SMU1: variants seen among roughly 807,000 people sequenced by gnomAD.
SMU1 encodes the protein SMU1 DNA replication regulator and spliceosomal factor.
Under a neutral mutation model 62.0 loss-of-function variants are expected in SMU1, and 2 were observed. That is an observed-to-expected ratio of 0.03 (90% CI 0.01 to 0.10). SMU1 has a LOEUF of 0.10. Among genes scored for constraint, SMU1 ranks in the 10% least tolerant of loss-of-function variants. The pLI, the probability that SMU1 is intolerant of heterozygous loss-of-function variation, is 1.00. For synonymous variants in SMU1, 188 were observed against 212.4 expected, an observed-to-expected ratio of 0.89 and a Z score of 1.00; for missense variants, 227 against 622.1, an observed-to-expected ratio of 0.36 and a Z score of 6.76.
Position 33,056,134 on chromosome 9 carries a change from T to C in SMU1, c.1101A>G (p.Ala367=), listed in dbSNP as rs761026037. The change falls in exon 9 of 12, where the codon GCA becomes GCG. Residue 367 remains alanine, a synonymous_variant. Coordinates refer to ENST00000397149, the MANE Select transcript of SMU1 (RefSeq NM_018225.3). The part of the protein sequence containing the change: ...FTQDGHYIIS[A]SSDGTVKIWN... ...TAACCTTTACAGTGCCATCAGAGGA[T>C]GCACTAATAATGTAATGTCCATCTT... 8.1e-6 allele frequency: 13 copies of C among 1,611,502 alleles called. No individual in the cohort carries two copies. Among genetic ancestry groups the C allele is most frequent in the Admixed American group, 5.0e-5 (3 of 59,846 alleles).
chr9:33,050,345 T>C (rs10971368), intron 10 of SMU1, among the ~76,000 whole-genome samples: 18,867 of 152,084 alleles, frequency 0.12, 1,330 homozygotes, highest in East Asian at 0.3. Flanking sequence ...CAACTAAACA[T>C]ACTTTACCAT....
rs1228249771 is a variant in SMU1 at position 33,042,472 on chromosome 9, C to T, written c.*4821G>A. ...GTGATGCTTCTCCTGCCCATTCATACTTGTAGGGAATAGGAGTAGAGGCCA... is the reference window on the plus strand; with the variant it reads ...GTGATGCTTCTCCTGCCCATTCATATTTGTAGGGAATAGGAGTAGAGGCCA... On this transcript the variant is annotated 3_prime_UTR_variant, in exon 12 of 12. Transcript: ENST00000397149. 1 of 152,452 alleles carries T rather than the reference C, an allele frequency of 6.6e-6. No individual in the cohort carries two copies. Among genetic ancestry groups the T allele is most frequent in the Non-Finnish European group, 1.5e-5 (1 of 68,058 alleles). 9.4% of individuals were successfully genotyped at this position (152,452 alleles called of 1,614,324 possible).
Position 33,042,296 on chromosome 9 carries a change from C to T in SMU1, c.*4997G>A, listed in dbSNP as rs1045408717. On this transcript the variant is annotated 3_prime_UTR_variant, in exon 12 of 12. Transcript: ENST00000397149. ...ACAGCCTCTGTTGAACCCTTCATTACTATGTAAGCAGCCATATTTAATTCT... is the reference window on the plus strand; with the variant it reads ...ACAGCCTCTGTTGAACCCTTCATTATTATGTAAGCAGCCATATTTAATTCT... The T allele has an allele frequency of 2.5e-4, 38 of 152,760 alleles. No homozygotes were observed. The highest frequency in any genetic ancestry group is 8.9e-4 in the African/African-American group (37 of 41,550). The allele number at this position is 152,760 out of a possible 1,614,324, so 9.5% of individuals were successfully genotyped here. A position where few individuals can be genotyped will look rare whatever the true frequency, so the allele number is the denominator to read the frequency against.
intron 4 of SMU1, among the ~76,000 whole-genome samples, chr9:33,063,853 T>C (rs10971377): frequency 0.09 from 13,635 of 151,914 alleles, 804 homozygotes; most frequent in East Asian, 0.3. Flanking sequence ...GCCAAAAATG[T>C]TGGGGACCAC....
intron 4 of SMU1, among the ~76,000 whole-genome samples, chr9:33,066,032 C>A (rs1028039551): frequency 6.6e-6 from 1 of 152,212 alleles, no homozygotes; most frequent in Non-Finnish European, 1.5e-5. Context: ...TCTGGAAAAG[C>A]TGACCAGCCC....
intron 5 of SMU1, 146 bp from the exon 6 acceptor site, chr9:33,060,730 T>A (rs1309893288): frequency 3.1e-6 from 3 of 969,774 alleles, no homozygotes; most frequent in Non-Finnish European, 4.5e-6. Flanking sequence ...TTTCTGTACC[T>A]GGACGCAGGG....
At chr9:33,048,392 T>C (rs1839208982) in intron 10 of SMU1, 134 bp from the exon 11 acceptor site, 1 of 1,072,992 alleles carries the variant, frequency 9.3e-7, no homozygotes. Flanking sequence ...AGATCTCCAG[T>C]CCTGTTCATC....
chr9:33,065,208 C>G (rs996119004), intron 4 of SMU1, among the ~76,000 whole-genome samples: 2 of 152,210 alleles, frequency 1.3e-5, no homozygotes, highest in African/African-American at 4.8e-5. Context: ...GTATGTCCCA[C>G]AGGAACTTCA....
intron 3 of SMU1, among the ~76,000 whole-genome samples, chr9:33,069,695 G>A (rs372623687): frequency 2.6e-5 from 4 of 152,168 alleles, no homozygotes; most frequent in East Asian, 3.8e-4. Flanking sequence ...TCAGCTACTC[G>A]GGAGGCTGAG....
chr9:33,053,147 C>G lies in SMU1; in HGVS notation c.1266G>C (p.Val422=). The change falls in exon 10 of 12, where the codon GTG becomes GTC. Residue 422 remains valine, a synonymous_variant. Coordinates refer to ENST00000397149, the MANE Select transcript of SMU1 (RefSeq NM_018225.3). Reference sequence around the variant, plus strand: ...CCTGCCCCTGCATGTTCATGATGACCACCGTGTTTGATCTGTTGCACACCA... The same window carrying G: ...CCTGCCCCTGCATGTTCATGATGACGACCGTGTTTGATCTGTTGCACACCA... ...HFVVCNRSNT[V]VIMNMQGQIV... The G allele has an allele frequency of 5.0e-6, 8 of 1,612,186 alleles. No individual in the cohort carries two copies. Among genetic ancestry groups the G allele is most frequent in the Non-Finnish European group, 6.8e-6 (8 of 1,179,998 alleles).
intron 9 of SMU1, among the ~76,000 whole-genome samples, chr9:33,055,111 T>TC (rs759680996): frequency 2.6e-5 from 4 of 152,188 alleles, no homozygotes; most frequent in Non-Finnish European, 5.9e-5. Flanking sequence ...GGTTTCCAGT[T>TC]CGATTTCCAA....
At chr9:33,066,372 T>G (rs1243750453) in intron 4 of SMU1, among the ~76,000 whole-genome samples, 1 of 151,964 alleles carries the variant, frequency 6.6e-6, no homozygotes, top group African/African-American at 2.4e-5. Context: ...TCTCAGGAAG[T>G]TACTGGACTC....
In SMU1 at chr9:33,042,471, A is replaced by T. The variant is rs1839136785; in HGVS notation, c.*4822T>A. The T allele has an allele frequency of 6.6e-6, 1 of 152,448 alleles. No homozygotes were observed. Among genetic ancestry groups the T allele is most frequent in the Non-Finnish European group, 1.5e-5 (1 of 68,038 alleles). 9.4% of individuals were successfully genotyped at this position (152,448 alleles called of 1,614,324 possible). A position where few individuals can be genotyped will look rare whatever the true frequency, so the allele number is the denominator to read the frequency against. On this transcript the variant is annotated 3_prime_UTR_variant, in exon 12 of 12. Coordinates refer to ENST00000397149, the MANE Select transcript of SMU1 (RefSeq NM_018225.3). ...TGTGATGCTTCTCCTGCCCATTCATACTTGTAGGGAATAGGAGTAGAGGCC... is the reference window on the plus strand; with the variant it reads ...TGTGATGCTTCTCCTGCCCATTCATTCTTGTAGGGAATAGGAGTAGAGGCC...
At chr9:33,072,108 CG>C (rs140860846) in intron 2 of SMU1, among the ~76,000 whole-genome samples, 5,422 of 151,990 alleles carry the variant, frequency 0.036, 288 homozygotes, top group African/African-American at 0.12. Context: ...CCAAGATGGG[CG>C]GATCACTTGA....
chr9:33,066,229 G>C (rs1318540678), intron 4 of SMU1, among the ~76,000 whole-genome samples: 2 of 151,528 alleles, frequency 1.3e-5, no homozygotes, highest in African/African-American at 4.8e-5. Context: ...GGAAAACTCA[G>C]AGAAAAAGAA....
intron 9 of SMU1, among the ~76,000 whole-genome samples, chr9:33,053,752 T>C (rs990646490): frequency 2.6e-5 from 4 of 152,392 alleles, no homozygotes; most frequent in East Asian, 1.9e-4. Flanking sequence ...TTGTGATTGG[T>C]TGAATCCATG....
intron 4 of SMU1, 60 bp downstream of exon 4, chr9:33,068,764 C>G (rs1236456570): frequency 6.3e-7 from 1 of 1,582,498 alleles, no homozygotes; most frequent in Non-Finnish European, 8.6e-7. Flanking sequence ...CTCAGCCTCC[C>G]AAAGTGCAAG....
At position 33,047,177 on chromosome 9, in the gene SMU1, CTAAT is replaced by C. The variant is rs1489282226; in HGVS notation, c.*112_*115del. On this transcript the variant is annotated 3_prime_UTR_variant, in exon 12 of 12. Transcript: ENST00000397149. ...GAATTTTCACAAAATTATTCTGTGA[CTAAT>C]TCAGACAATCTATTTGCTTAGAAAA... is the stretch of plus-strand genomic sequence containing the variant. The C allele has an allele frequency of 3.2e-6, 2 of 615,588 alleles. No individual in the cohort carries two copies. Among genetic ancestry groups the C allele is most frequent in the Middle Eastern group, 4.5e-4 (1 of 2,238 alleles). 38.1% of individuals were successfully genotyped at this position (615,588 alleles called of 1,614,324 possible).
intron 5 of SMU1, 38 bp downstream of exon 5, chr9:33,062,010 CA>C (rs1839367388): frequency 4.4e-6 from 7 of 1,606,344 alleles, no homozygotes. Context: ...AAGTCCTCAA[CA>C]AATGATTACT....
Sources: allele counts gnomAD v4.1 joint callset (sites outside exome capture counted in the v4.1 genomes callset), GRCh38; gene constraint gnomAD v4.1.1; transcripts MANE v1.5; gene names NCBI Gene and HGNC (gene_info 2026-07-23, HGNC 2026-07-21).